AKR1C4: variants seen among roughly 807,000 people sequenced by gnomAD.
The protein encoded by AKR1C4 is aldo-keto reductase family 1 member C4.
A neutral mutation model predicts 41.0 loss-of-function variants in AKR1C4; 44 were observed. That is an observed-to-expected ratio of 1.07 (90% CI 0.84 to 1.38). AKR1C4 has a LOEUF of 1.38. AKR1C4 is among the 40% of genes most tolerant of loss of function. The pLI, the probability that AKR1C4 is intolerant of heterozygous loss-of-function variation, is 0.00. For missense variants in AKR1C4, 438 were observed against 387.9 expected (o/e 1.13, Z -1.09); for synonymous variants, 165 against 137.7 (o/e 1.20, Z -1.39).
intron 1 of AKR1C4, among the ~76,000 whole-genome samples, chr10:5,198,923 G>A (rs1290157837): frequency 6.8e-6 from 1 of 148,116 alleles, no homozygotes; most frequent in African/African-American, 2.5e-5. Context: ...GATCACTTGA[G>A]CCCAAGGTAA....
rs144097101 is a variant in AKR1C4 at position 5,213,210 on chromosome 10, G to A, written c.846+51G>A. ...CTCCTGCACAGTGTCCTTCACACGT[G>A]TGCTTCTTGTAAGGTTCTCAGGACA... is the stretch of plus-strand genomic sequence containing the variant. On this transcript the variant is annotated intron_variant, in intron 7 of 8. Transcript: ENST00000263126. The A allele has an allele frequency of 7.1e-3, 11,403 of 1,600,298 alleles. 76 individuals are homozygous for A. Among genetic ancestry groups the A allele is most frequent in the Middle Eastern group, 0.02 (86 of 4,410 alleles).
At chr10:5,204,596 T>C (rs1554797262) in intron 3 of AKR1C4, 103 bp downstream of exon 3, 5 of 926,614 alleles carry the variant, frequency 5.4e-6, no homozygotes, top group Non-Finnish European at 9.0e-6. Context: ...TGTTATTACA[T>C]GGCAGAAGAG....
chr10:5,196,839 G>T lies in AKR1C4; in HGVS notation c.-29G>T, dbSNP rs782608580. The T allele has an allele frequency of 6.2e-7, 1 of 1,610,758 alleles. No individual in the cohort carries two copies. Among genetic ancestry groups the T allele is most frequent in the Non-Finnish European group, 8.5e-7 (1 of 1,176,960 alleles). ...TGCCAGATGTTGCTGAAGGAAACAGGATCTGCTTAGTGAAAGAAGTGGCAA... is the reference window on the plus strand; with the variant it reads ...TGCCAGATGTTGCTGAAGGAAACAGTATCTGCTTAGTGAAAGAAGTGGCAA... On this transcript the variant is annotated 5_prime_UTR_variant, in exon 1 of 9. Coordinates refer to ENST00000263126, the MANE Select transcript of AKR1C4 (RefSeq NM_001818.5).
intron 5 of AKR1C4, among the ~76,000 whole-genome samples, chr10:5,211,329 C>T (rs1462599393): frequency 2.0e-5 from 3 of 152,194 alleles, no homozygotes; most frequent in East Asian, 1.9e-4. Context: ...GTTTTCTGAA[C>T]GTTTATGCTG....
intron 8 of AKR1C4, among the ~76,000 whole-genome samples, chr10:5,217,877 G>T (rs879954692): frequency 8.5e-5 from 13 of 152,218 alleles, no homozygotes; most frequent in Non-Finnish European, 1.5e-4. Context: ...TCACAGAAAG[G>T]CACTCATGTG....
chr10:5,202,473 T>C (rs1554797008), intron 2 of AKR1C4: 3 of 456,024 alleles, frequency 6.6e-6, no homozygotes, highest in South Asian at 4.6e-5. Context: ...GCTTATCCTT[T>C]TCCAATTTGG....
At chr10:5,200,087 C>CA in intron 1 of AKR1C4, 94 bp from the exon 2 acceptor site, 1 of 1,502,978 alleles carries the variant, frequency 6.7e-7, no homozygotes, top group South Asian at 1.3e-5. Context: ...GCCACACCCC[C>CA]ACTGCACACC....
chr10:5,206,527 T>A, intron 5 of AKR1C4, 130 bp downstream of exon 5: 2 of 1,505,876 alleles, frequency 1.3e-6, no homozygotes, highest in Non-Finnish European at 1.8e-6. Flanking sequence ...AACATCTGTC[T>A]AGAAGAAAAC....
At chr10:5,197,861 C>T (rs7087111) in intron 1 of AKR1C4, among the ~76,000 whole-genome samples, 17,733 of 152,152 alleles carry the variant, frequency 0.12, 1,289 homozygotes, top group Admixed American at 0.17. Flanking sequence ...TAAGGAAAAG[C>T]ACAACACGGA....
chr10:5,212,639 C>T lies in AKR1C4; in HGVS notation c.594C>T (p.Asn198=). Residue 198 remains asparagine, a synonymous_variant, in exon 6 of 9, where the codon AAC becomes AAT. Coordinates refer to ENST00000263126, the MANE Select transcript of AKR1C4 (RefSeq NM_001818.5). ...CNQVECHPYL[N]QSKLLDFCKS... is the part of the protein sequence containing the mutation. ...AGGTAGAATGTCATCCTTACCTCAA[C>T]CAGAGCAAACTGCTGGATTTCTGCA... 3 of 1,613,438 alleles carry T rather than the reference C, an allele frequency of 1.9e-6. No homozygotes were observed. The highest frequency in any genetic ancestry group is 2.5e-6 in the Non-Finnish European group (3 of 1,179,906).
At chr10:5,205,061 A>G (rs1554797341) in intron 3 of AKR1C4, among the ~76,000 whole-genome samples, 1 of 152,248 alleles carries the variant, frequency 6.6e-6, no homozygotes, top group Non-Finnish European at 1.5e-5. Flanking sequence ...AACTCAGGCT[A>G]GTTTATTTAA....
chr10:5,217,414 T>C (rs1173171741), intron 8 of AKR1C4, among the ~76,000 whole-genome samples: 1 of 152,224 alleles, frequency 6.6e-6, no homozygotes, highest in Non-Finnish European at 1.5e-5. Context: ...ATTTTTGCAA[T>C]ATGGAAATCT....
chr10:5,218,528 AATTTTCTT>A (rs1832687388), intron 8 of AKR1C4, among the ~76,000 whole-genome samples, 182 bp from the exon 9 acceptor site: 1 of 120,640 alleles, frequency 8.3e-6, no homozygotes. Flanking sequence ...ATAAGTTGAA[AATTTTCTT>A]ATTTTGAAAA....
chr10:5,206,448 G>A, intron 5 of AKR1C4, 51 bp downstream of exon 5: 1 of 1,610,510 alleles, frequency 6.2e-7, no homozygotes, highest in Non-Finnish European at 8.5e-7. Flanking sequence ...CCATCTTCCT[G>A]TCCTACTGCC....
chr10:5,205,871 CAAG>C (rs782191175), intron 4 of AKR1C4, 37 bp downstream of exon 4: 38 of 1,579,330 alleles, frequency 2.4e-5, no homozygotes, highest in East Asian at 4.5e-5. Flanking sequence ...AAAAGGAAGA[CAAG>C]AAGAGGTAAA....
At chr10:5,209,872 CT>C (rs1447926406) in intron 5 of AKR1C4, among the ~76,000 whole-genome samples, 1 of 152,168 alleles carries the variant, frequency 6.6e-6, no homozygotes, top group Non-Finnish European at 1.5e-5. Context: ...CATGCCACCC[CT>C]GGCCCCTCCC....
chr10:5,205,892 C>T, intron 4 of AKR1C4, 58 bp downstream of exon 4: 1 of 1,500,778 alleles, frequency 6.7e-7, no homozygotes, highest in South Asian at 1.2e-5. Flanking sequence ...AAACCTGTTC[C>T]CCAGCTTTCA....
At chr10:5,212,930 T>C (rs1469379380) in intron 6 of AKR1C4, 64 bp from the exon 7 acceptor site, 10 of 1,578,354 alleles carry the variant, frequency 6.3e-6, no homozygotes, top group African/African-American at 1.3e-5. Context: ...TTAGTCTGTT[T>C]AGGGAGCCTC....
At chr10:5,206,862 CTTTTTCT>C (rs2132131334) in intron 5 of AKR1C4, among the ~76,000 whole-genome samples, 1 of 50,818 alleles carries the variant, frequency 2.0e-5, no homozygotes, top group East Asian at 4.3e-3. Flanking sequence ...TGTCTGAATG[CTTTTTCT>C]TGTCATCTCT....
Sources: allele counts gnomAD v4.1 joint callset (sites outside exome capture counted in the v4.1 genomes callset), GRCh38; gene constraint gnomAD v4.1.1; transcripts MANE v1.5; gene names NCBI Gene and HGNC (gene_info 2026-07-23, HGNC 2026-07-21).